The following TMEM232 variants were observed in gnomAD, a reference collection of about 807,000 sequenced individuals.
TMEM232 encodes transmembrane protein 232.
In TMEM232, 80 loss-of-function variants were observed where a neutral mutation model predicts 78.8. The observed-to-expected ratio is 1.01, with a 90% confidence interval of 0.85 to 1.22. TMEM232 has a LOEUF of 1.22. Among genes scored for constraint, TMEM232 ranks in the 50% most tolerant of loss-of-function variants. The pLI, the probability that TMEM232 is intolerant of heterozygous loss-of-function variation, is 0.00. For synonymous variants in TMEM232, 297 were observed against 254.3 expected (o/e 1.17, Z -1.60); for missense variants, 881 against 742.2 (o/e 1.19, Z -2.17).
chr5:110,674,363 T>G (rs1480832340), intron 1 of TMEM232, among the ~76,000 whole-genome samples: 1 of 152,196 alleles, frequency 6.6e-6, no homozygotes, highest in Non-Finnish European at 1.5e-5. Flanking sequence ...AAATGTTTAA[T>G]TTGCATGAAT....
chr5:110,648,395 C>G (rs1787815137), intron 2 of TMEM232, among the ~76,000 whole-genome samples: 1 of 152,002 alleles, frequency 6.6e-6, no homozygotes, highest in Non-Finnish European at 1.5e-5. Flanking sequence ...AGCAATATCA[C>G]AACTTTATAT....
In TMEM232 at chr5:110,605,092, A is replaced by G; in HGVS notation, c.1276+17T>C. On this transcript the variant is annotated intron_variant, in intron 10 of 13. Coordinates refer to ENST00000455884, the MANE Select transcript of TMEM232 (RefSeq NM_001039763.4). ...CTTAAAAATATTACTCATCAAAGTA[A>G]AAAACAATCTACTTACAGTTCTCTG... The G allele has an allele frequency of 1.3e-6, 2 of 1,518,310 alleles. No individual in the cohort carries two copies. Among genetic ancestry groups the G allele is most frequent in the Non-Finnish European group, 1.8e-6 (2 of 1,128,022 alleles). The allele number at this position is 1,518,310 out of a possible 1,614,324, so 94.1% of individuals were successfully genotyped here.
intron 1 of TMEM232, among the ~76,000 whole-genome samples, chr5:110,686,632 A>C (rs1217090064): frequency 6.6e-6 from 1 of 152,150 alleles, no homozygotes; most frequent in Non-Finnish European, 1.5e-5. Flanking sequence ...AGTTGTATGA[A>C]CACTTGTACA....
chr5:110,596,449 G>A (rs1181046776), intron 10 of TMEM232, among the ~76,000 whole-genome samples: 2 of 152,142 alleles, frequency 1.3e-5, no homozygotes, highest in South Asian at 2.1e-4. Flanking sequence ...AGAGGAACTG[G>A]TACCATTCCT....
intron 12 of TMEM232, among the ~76,000 whole-genome samples, chr5:110,495,576 A>T (rs914502956): frequency 2.0e-5 from 3 of 151,960 alleles, no homozygotes; most frequent in Non-Finnish European, 2.9e-5. Context: ...AAATGAAAAC[A>T]TAAGGCTTTA....
chr5:110,543,869 C>T (rs1324963744), intron 11 of TMEM232, among the ~76,000 whole-genome samples: 2 of 152,112 alleles, frequency 1.3e-5, no homozygotes, highest in South Asian at 2.1e-4. Context: ...CTTCTAGAGT[C>T]GTCTTCTATA....
At chr5:110,718,690 CCTTT>C (rs1797273478) in intron 1 of TMEM232, among the ~76,000 whole-genome samples, 1 of 151,838 alleles carries the variant, frequency 6.6e-6, no homozygotes, top group South Asian at 2.1e-4. Flanking sequence ...TTTTTATACT[CCTTT>C]CTCTTTCTCT....
chr5:110,717,685 G>C (rs867670073), intron 1 of TMEM232, among the ~76,000 whole-genome samples: 3 of 152,236 alleles, frequency 2.0e-5, no homozygotes, highest in Admixed American at 6.5e-5. Context: ...GGAGGTGACT[G>C]GATCATGGGG....
chr5:110,507,290 A>G (rs755154892), intron 12 of TMEM232, among the ~76,000 whole-genome samples: 1 of 152,186 alleles, frequency 6.6e-6, no homozygotes, highest in Non-Finnish European at 1.5e-5. Context: ...AACAGTATGC[A>G]TAACGTGTGG....
intron 12 of TMEM232, among the ~76,000 whole-genome samples, chr5:110,456,814 T>TC (rs140862772): frequency 0.019 from 2,820 of 152,068 alleles, 49 homozygotes; most frequent in South Asian, 0.055. Context: ...ACAATTGGAC[T>TC]CCCATATGTA....
chr5:110,586,555 C>T (rs1778837617), intron 10 of TMEM232, among the ~76,000 whole-genome samples: 1 of 145,032 alleles, frequency 6.9e-6, no homozygotes, highest in East Asian at 2.1e-4. Flanking sequence ...GGCATATTTC[C>T]ATACACACCC....
intron 12 of TMEM232, among the ~76,000 whole-genome samples, chr5:110,430,662 C>A (rs311723): frequency 0.034 from 5,080 of 151,522 alleles, 161 homozygotes; most frequent in African/African-American, 0.077. Context: ...TCATAATCAT[C>A]GATCATGGGA....
intron 2 of TMEM232, among the ~76,000 whole-genome samples, chr5:110,665,246 T>G (rs1790401298): frequency 6.6e-6 from 1 of 152,188 alleles, no homozygotes; most frequent in South Asian, 2.1e-4. Flanking sequence ...TTATTTTTCC[T>G]AATAAAAATT....
chr5:110,710,753 G>A (rs1443712240), intron 1 of TMEM232, among the ~76,000 whole-genome samples: 1 of 152,000 alleles, frequency 6.6e-6, no homozygotes, highest in Non-Finnish European at 1.5e-5. Flanking sequence ...GGTATAGAAG[G>A]AACATACCTC....
At chr5:110,537,628 C>T (rs1371909821) in intron 11 of TMEM232, among the ~76,000 whole-genome samples, 2 of 152,184 alleles carry the variant, frequency 1.3e-5, no homozygotes, top group Non-Finnish European at 2.9e-5. Context: ...TGAGGCTAAA[C>T]CCCAAACAGT....
At chr5:110,537,046 C>G (rs1772455534) in intron 11 of TMEM232, among the ~76,000 whole-genome samples, 1 of 152,052 alleles carries the variant, frequency 6.6e-6, no homozygotes, top group South Asian at 2.1e-4. Context: ...CCTGGGGACT[C>G]CAGTCAGGAC....
chr5:110,483,699 T>C (rs1764157295), intron 12 of TMEM232, among the ~76,000 whole-genome samples: 1 of 151,942 alleles, frequency 6.6e-6, no homozygotes, highest in Non-Finnish European at 1.5e-5. Flanking sequence ...TGTATACATA[T>C]GTAACTAACC....
intron 13 of TMEM232, among the ~76,000 whole-genome samples, chr5:110,423,773 A>ATGCG (rs1191201222): frequency 1.5e-5 from 2 of 136,512 alleles, no homozygotes; most frequent in African/African-American, 6.3e-5. Flanking sequence ...GTAGTTATTT[A>ATGCG]TGCGTGCGTG....
chr5:110,596,401 C>A (rs1243664446), intron 10 of TMEM232, among the ~76,000 whole-genome samples: 2 of 152,098 alleles, frequency 1.3e-5, no homozygotes, highest in African/African-American at 4.8e-5. Flanking sequence ...GAGTCCAGGA[C>A]CAGATGGATT....
Sources: allele counts gnomAD v4.1 joint callset (sites outside exome capture counted in the v4.1 genomes callset), GRCh38; gene constraint gnomAD v4.1.1; transcripts MANE v1.5; gene names NCBI Gene and HGNC (gene_info 2026-07-23, HGNC 2026-07-21).